The following COP1 variants were observed in gnomAD, a reference collection of about 807,000 sequenced individuals.
The protein encoded by COP1 is COP1 E3 ubiquitin ligase, also known as E3 ubiquitin-protein ligase COP1.
COP1 carries 24 observed loss-of-function variants against 101.3 expected under a neutral mutation model. That is an observed-to-expected ratio of 0.24 (90% confidence interval 0.17 to 0.33). COP1 has a LOEUF of 0.33. Ranked by LOEUF, COP1 falls within the 10% of genes least tolerant of loss-of-function variation. The pLI is 1.00. For missense variants in COP1, 663 were observed against 906.2 expected (o/e 0.73, Z 3.45); for synonymous variants, 347 against 341.9 (o/e 1.01, Z -0.17).
chr1:176,165,361 C>CAT (rs1553301971), intron 3 of COP1, among the ~76,000 whole-genome samples: 4 of 132,144 alleles, frequency 3.0e-5, no homozygotes, highest in Admixed American at 7.7e-5. Flanking sequence ...AGATGTGTGT[C>CAT]GTGTGTGTGT....
At chr1:176,136,371 C>A in intron 7 of COP1, 117 bp downstream of exon 7, 1 of 490,254 alleles carries the variant, frequency 2.0e-6, no homozygotes, top group Non-Finnish European at 3.6e-6. Flanking sequence ...AAAGTAACAG[C>A]TGTTACTTTC....
At chr1:176,125,694 CT>C (rs1390840202) in intron 8 of COP1, among the ~76,000 whole-genome samples, 1 of 152,056 alleles carries the variant, frequency 6.6e-6, no homozygotes, top group Non-Finnish European at 1.5e-5. Flanking sequence ...CTCAGGACAG[CT>C]TTGGCTCTTC....
intron 14 of COP1, among the ~76,000 whole-genome samples, chr1:176,031,793 T>C (rs2149097403): frequency 6.6e-6 from 1 of 152,360 alleles, no homozygotes; most frequent in South Asian, 2.1e-4. Context: ...ACCTAATTTT[T>C]CAGTTCGATT....
At chr1:176,103,943 T>C (rs753089499) in intron 9 of COP1, among the ~76,000 whole-genome samples, 3 of 151,742 alleles carry the variant, frequency 2.0e-5, no homozygotes, top group South Asian at 2.1e-4. Flanking sequence ...AAAGTTCCTA[T>C]GAAAAAACAA....
chr1:176,098,390 A>T (rs556164543), intron 9 of COP1, among the ~76,000 whole-genome samples: 17 of 152,322 alleles, frequency 1.1e-4, no homozygotes, highest in African/African-American at 4.1e-4. Flanking sequence ...GGAAATGTAA[A>T]TTTTTGCCTA....
chr1:176,027,360 A>G (rs1233134818), intron 15 of COP1, among the ~76,000 whole-genome samples: 1 of 152,214 alleles, frequency 6.6e-6, no homozygotes, highest in Non-Finnish European at 1.5e-5. Flanking sequence ...ACAAATTCAT[A>G]TCTACGTATT....
At chr1:176,055,815 T>C (rs1279751043) in intron 11 of COP1, among the ~76,000 whole-genome samples, 1 of 152,226 alleles carries the variant, frequency 6.6e-6, no homozygotes, top group African/African-American at 2.4e-5. Flanking sequence ...AATGTATTCT[T>C]ATTTTTATAT....
chr1:175,995,154 A>T (rs1023520151), intron 15 of COP1, among the ~76,000 whole-genome samples: 2 of 152,240 alleles, frequency 1.3e-5, no homozygotes, highest in Admixed American at 6.5e-5. Flanking sequence ...TACCGGGTAC[A>T]TAACGAAATG....
intron 9 of COP1, among the ~76,000 whole-genome samples, chr1:176,105,414 T>C (rs1684141569): frequency 1.3e-5 from 2 of 152,196 alleles, no homozygotes; most frequent in South Asian, 2.1e-4. Context: ...TTTCAGTATA[T>C]ATTCTCAGGC....
chr1:175,979,016 A>G (rs1227293919), intron 18 of COP1, among the ~76,000 whole-genome samples: 1 of 152,160 alleles, frequency 6.6e-6, no homozygotes. Context: ...ATTCATAATT[A>G]TAACTGTTTC....
At chr1:176,122,089 G>A (rs182848357) in intron 8 of COP1, among the ~76,000 whole-genome samples, 18 of 146,084 alleles carry the variant, frequency 1.2e-4, no homozygotes, top group African/African-American at 3.8e-4. Flanking sequence ...GAAGTAAGCC[G>A]AGATCGCGCC....
intron 15 of COP1, among the ~76,000 whole-genome samples, chr1:175,993,516 T>C (rs550272823): frequency 1.3e-5 from 2 of 152,034 alleles, no homozygotes; most frequent in Non-Finnish European, 2.9e-5. Context: ...GACGAATGTA[T>C]AACTAGAATA....
chr1:176,121,552 G>C (rs1269737958), intron 8 of COP1, among the ~76,000 whole-genome samples: 3 of 152,014 alleles, frequency 2.0e-5, no homozygotes, highest in Admixed American at 6.6e-5. Context: ...ATCTCACTCT[G>C]TCACCCAGGC....
At chr1:175,989,222 T>TAA in intron 16 of COP1, 140 bp downstream of exon 16, 2 of 467,338 alleles carry the variant, frequency 4.3e-6, no homozygotes, top group Admixed American at 3.4e-5. Context: ...TGGACAAGAT[T>TAA]AAAAAAAAAA....
rs1688501326 is a variant in COP1 at position 176,129,110 on chromosome 1, A to AT, written c.968+5899dup. 3.9e-5 allele frequency among the ~76,000 whole-genome samples: 6 copies of AT among 152,056 alleles called. No individual in the cohort carries two copies. The South Asian group carries it at 1.2e-3, about 32-fold the overall frequency. On this transcript the variant is annotated intron_variant, in intron 8 of 19. Coordinates refer to ENST00000367669, the MANE Select transcript of COP1 (RefSeq NM_022457.7). ...TATGCAGTATTGTTTCTTAAATATCATTAATTTATTCAAATTATAAAATAT... is the reference window on the plus strand; with the variant it reads ...TATGCAGTATTGTTTCTTAAATATCATTTAATTTATTCAAATTATAAAATAT...
chr1:176,041,636 A>G (rs1670553550), intron 14 of COP1, among the ~76,000 whole-genome samples: 1 of 152,122 alleles, frequency 6.6e-6, no homozygotes, highest in Non-Finnish European at 1.5e-5. Context: ...TACAAGCATG[A>G]GCTACCACGC....
chr1:176,024,964 C>T (rs937685522), intron 15 of COP1, among the ~76,000 whole-genome samples: 18 of 151,934 alleles, frequency 1.2e-4, no homozygotes, highest in African/African-American at 4.1e-4. Context: ...GAATAATAGG[C>T]TAATTTAATA....
chr1:176,206,737 G>A lies in COP1; in HGVS notation c.242C>T (p.Ala81Val), dbSNP rs778069436. 3 of 1,548,690 alleles carry A rather than the reference G, an allele frequency of 1.9e-6. No homozygotes were observed. The highest frequency in any genetic ancestry group is 2.3e-5 in the South Asian group (2 of 86,906). ...APAVSGSGGG[A>V]VSTGLSRHSC... ...GTGCCGGGACAGGCCCGTGGACACC[G>A]CCCCGCCGCCGCTACCCGATACGGC... The change falls in exon 1 of 20, where the codon GCG (alanine) becomes GTG (valine). Residue 81 changes from alanine (A) to valine (V), a missense_variant. Transcript: ENST00000367669.
intron 18 of COP1, among the ~76,000 whole-genome samples, chr1:175,976,918 T>C (rs1654735498): frequency 6.6e-6 from 1 of 152,172 alleles, no homozygotes; most frequent in Non-Finnish European, 1.5e-5. Flanking sequence ...TGATAAACTC[T>C]TGTATCTCCT....
Sources: allele counts gnomAD v4.1 joint callset (sites outside exome capture counted in the v4.1 genomes callset), GRCh38; gene constraint gnomAD v4.1.1; transcripts MANE v1.5; gene names NCBI Gene and HGNC (gene_info 2026-07-23, HGNC 2026-07-21).